Variants in PCSK6 observed in about 807,000 individuals in gnomAD.
PCSK6 encodes paired basic amino acid cleaving enzyme 4.
In PCSK6, 85 loss-of-function variants were observed where a neutral mutation model predicts 123.3. That is an observed-to-expected ratio of 0.69 (90% CI 0.58 to 0.83). The LOEUF is 0.83. Ranked by LOEUF, PCSK6 falls within the 40% of genes least tolerant of loss-of-function variation. The probability of loss-of-function intolerance (pLI) is 0.00; values close to 1 mark genes in which losing one functional copy is unlikely to be tolerated. For synonymous variants in PCSK6, 508 were observed against 516.0 expected, an observed-to-expected ratio of 0.98 and a Z score of 0.21; for missense variants, 1,191 against 1,282.3, an observed-to-expected ratio of 0.93 and a Z score of 1.09.
chr15:101,370,199 G>T (rs577256968), intron 12 of PCSK6, 136 bp downstream of exon 12: 2 of 644,760 alleles, frequency 3.1e-6, no homozygotes, highest in African/African-American at 1.9e-5. Flanking sequence ...AAAGGAAGCT[G>T]CCAGCAGAAC....
chr15:101,448,090 G>A (rs564231724), intron 1 of PCSK6, among the ~76,000 whole-genome samples: 2 of 152,314 alleles, frequency 1.3e-5, no homozygotes, highest in South Asian at 4.1e-4. Flanking sequence ...ATTTAAATAC[G>A]TTCTTGTTCT....
At chr15:101,307,136 G>T in intron 21 of PCSK6, 77 bp downstream of exon 21, 1 of 1,073,310 alleles carries the variant, frequency 9.3e-7, no homozygotes, top group Non-Finnish European at 1.4e-6. Flanking sequence ...ATGTGGCTTT[G>T]CTTTTCTCTT....
chr15:101,480,512 T>C (rs2057849291), intron 1 of PCSK6, among the ~76,000 whole-genome samples: 1 of 152,246 alleles, frequency 6.6e-6, no homozygotes, highest in Admixed American at 6.5e-5. Context: ...CCATGGAGCG[T>C]GAGGCTCCTG....
chr15:101,378,310 C>T (rs182015884), intron 11 of PCSK6, among the ~76,000 whole-genome samples: 50 of 152,292 alleles, frequency 3.3e-4, no homozygotes, highest in Non-Finnish European at 5.7e-4. Flanking sequence ...AGGAGTAGGT[C>T]GACGTGCCTC....
chr15:101,341,418 C>T (rs576080874), intron 13 of PCSK6, among the ~76,000 whole-genome samples: 125 of 151,992 alleles, frequency 8.2e-4, no homozygotes, highest in Non-Finnish European at 1.1e-3. Context: ...CCTGCCACCA[C>T]GCCTGGCTAA....
At chr15:101,389,809 C>T (rs1005381967) in intron 8 of PCSK6, among the ~76,000 whole-genome samples, 4 of 152,142 alleles carry the variant, frequency 2.6e-5, no homozygotes, top group African/African-American at 7.2e-5. Context: ...ACAGACCGTA[C>T]GCTTTGATAA....
chr15:101,313,762 C>T (rs375896948), intron 19 of PCSK6: 50 of 424,744 alleles, frequency 1.2e-4, no homozygotes, highest in African/African-American at 7.6e-4. Flanking sequence ...GCCCACTGGC[C>T]GTGCCACGAT....
chr15:101,395,294 C>A (rs1324431317), intron 7 of PCSK6, among the ~76,000 whole-genome samples: 1 of 152,208 alleles, frequency 6.6e-6, no homozygotes, highest in East Asian at 1.9e-4. Flanking sequence ...TGTTACAATG[C>A]AGACTTGTGC....
intron 6 of PCSK6, among the ~76,000 whole-genome samples, chr15:101,425,763 G>A (rs969924658): frequency 7.9e-5 from 12 of 152,128 alleles, no homozygotes; most frequent in African/African-American, 2.9e-4. Context: ...TGCAGGACTC[G>A]GGAAACGTAG....
intron 13 of PCSK6, chr15:101,346,376 T>C (rs2040728913): frequency 7.2e-5 from 11 of 152,930 alleles, no homozygotes; most frequent in Admixed American, 7.2e-4. Context: ...TATAAAATGC[T>C]GCTTACAAAG....
chr15:101,417,395 A>T (rs2055925975), intron 6 of PCSK6, among the ~76,000 whole-genome samples: 1 of 152,224 alleles, frequency 6.6e-6, no homozygotes, highest in Admixed American at 6.5e-5. Context: ...GGACACAAAG[A>T]TATTCTCCAG....
chr15:101,479,914 G>C (rs1183196743), intron 1 of PCSK6, among the ~76,000 whole-genome samples: 1 of 152,230 alleles, frequency 6.6e-6, no homozygotes, highest in Non-Finnish European at 1.5e-5. Context: ...AGTCCAGGAA[G>C]GGGGACAGGA....
At chr15:101,422,623 CTT>C (rs5815013) in intron 6 of PCSK6, among the ~76,000 whole-genome samples, 34 of 144,936 alleles carry the variant, frequency 2.3e-4, no homozygotes, top group Admixed American at 2.7e-4. Flanking sequence ...TAGAACGAAA[CTT>C]TTTTTTTTTT....
chr15:101,322,511 G>A lies in PCSK6; in HGVS notation c.2465+9C>T. The A allele has an allele frequency of 6.3e-7, 1 of 1,596,942 alleles. No homozygotes were observed. On this transcript the variant is annotated intron_variant, in intron 18 of 21. Transcript: ENST00000611716. ...CCCTGACATTCCTCAGGTTTCGAGG[G>A]GGTTTTACCTGAATCCTTCTTTACA...
intron 1 of PCSK6, among the ~76,000 whole-genome samples, chr15:101,462,564 A>G (rs1370795520): frequency 1.3e-5 from 2 of 152,218 alleles, no homozygotes; most frequent in Non-Finnish European, 2.9e-5. Flanking sequence ...ACTGGGTCAG[A>G]GACAGACAAG....
At chr15:101,400,761 A>T (rs1042749465) in intron 6 of PCSK6, among the ~76,000 whole-genome samples, 3 of 152,246 alleles carry the variant, frequency 2.0e-5, no homozygotes, top group Non-Finnish European at 4.4e-5. Flanking sequence ...ACCCAGTAGC[A>T]CATGGATTAT....
intron 13 of PCSK6, among the ~76,000 whole-genome samples, chr15:101,344,139 A>G (rs1443569868): frequency 6.6e-6 from 1 of 152,194 alleles, no homozygotes; most frequent in Non-Finnish European, 1.5e-5. Context: ...CAGTGTTCCA[A>G]TATGTCCATT....
rs750301442 is a variant in PCSK6, at chr15:101,304,102, G to A, written c.*1156C>T. The stretch of plus-strand genomic sequence containing the variant: ...GGAGCAGGACAATATGGAGAAAGAC[G>A]AGGTCGAAAAAATTTAAGGCAAATG... On this transcript the variant is annotated 3_prime_UTR_variant, in exon 22 of 22. Transcript: ENST00000611716. The A allele has an allele frequency of 1.3e-5, 2 of 152,586 alleles. No homozygotes were observed. The highest frequency in any genetic ancestry group is 2.1e-4 in the South Asian group (1 of 4,836). 9.5% of individuals were successfully genotyped at this position (152,586 alleles called of 1,614,324 possible). A position where few individuals can be genotyped will look rare whatever the true frequency, so the allele number is the denominator to read the frequency against.
At chr15:101,350,095 A>C (rs530878796) in intron 13 of PCSK6, among the ~76,000 whole-genome samples, 2 of 151,824 alleles carry the variant, frequency 1.3e-5, no homozygotes, top group Non-Finnish European at 2.9e-5. Flanking sequence ...TTTTATAGAG[A>C]TAGGGTTTCA....
Sources: allele counts gnomAD v4.1 joint callset (sites outside exome capture counted in the v4.1 genomes callset), GRCh38; gene constraint gnomAD v4.1.1; transcripts MANE v1.5; gene names NCBI Gene and HGNC (gene_info 2026-07-23, HGNC 2026-07-21).